WDR13: variants seen among roughly 807,000 people sequenced by gnomAD.
WDR13 encodes the protein WD repeat domain 13.
Under a neutral mutation model 28.6 loss-of-function variants are expected in WDR13, and 1 was observed. The observed-to-expected ratio is 0.03, with a 90% CI of 0.01 to 0.17. The LOEUF (loss-of-function observed/expected upper bound fraction) is 0.17. Among genes scored for constraint, WDR13 ranks in the 10% least tolerant of loss-of-function variants. The pLI, the probability that WDR13 is intolerant of heterozygous loss-of-function variation, is 1.00. For missense variants in WDR13, 264 were observed against 469.3 expected (o/e 0.56, Z 4.04); for synonymous variants, 201 against 185.9 (o/e 1.08, Z -0.66).
At chrX:48,599,298 A>C (rs1391360129) in intron 3 of WDR13, 55 bp from the exon 4 acceptor site, 4 of 990,626 alleles carry the variant, frequency 4.0e-6, no homozygotes, top group Non-Finnish European at 2.7e-6. Flanking sequence ...TCCACACCTC[A>C]AAGGTTCTCG....
At chrX:48,598,383 A>G (rs1280959798) in intron 2 of WDR13, 3 of 1,011,477 alleles carry the variant, frequency 3.0e-6, no homozygotes, top group Non-Finnish European at 3.7e-6. Flanking sequence ...TCACCTCCCA[A>G]CGCTGACCCC....
At position 48,600,712 on chromosome X, in the gene WDR13, A is replaced by G. The variant is rs782264401; in HGVS notation, c.831+86A>G. The G allele has an allele frequency of 1.4e-5, 15 of 1,067,744 alleles. No homozygotes were observed. In the South Asian group the frequency reaches 2.7e-4, roughly 19 times the overall value. The allele number at this position is 1,067,744 out of a possible 1,213,427, so 88.0% of individuals were successfully genotyped here. ...AGGGAATCAGAGTATAAGGAGGGAC[A>G]GCCAGGGGGGGCCTAGGACCCCCCC... On this transcript the variant is annotated intron_variant, in intron 6 of 9. Coordinates refer to ENST00000376729, the MANE Select transcript of WDR13 (RefSeq NM_001347217.2).
chrX:48,599,169 G>C, intron 3 of WDR13, 184 bp from the exon 4 acceptor site: 1 of 671,013 alleles, frequency 1.5e-6, no homozygotes, highest in East Asian at 3.6e-5. Context: ...TGCTGAGCAG[G>C]GGGAGGGCAG....
rs1556994042 is a variant in WDR13 at position 48,600,409 on chromosome X, C to G, written c.614C>G (p.Ala205Gly). The change falls in exon 6 of 10, where the codon GCC becomes GGC. Residue 205 changes from alanine (A) to glycine (G), a missense_variant. This residue lies in a region of WDR13 where 157 missense variants were observed against 270.2 expected (regional missense o/e 0.58). Transcript: ENST00000376729. ...GSISLCQLVP[A>G]PPTVLRVLRG... ...ATCTCCCTGTGCCAGCTGGTGCCTG[C>G]CCCACCCACAGTGCTTCGCGTGCTA... 8.3e-7 allele frequency: 1 copy of G among 1,211,909 alleles called. No individual in the cohort carries two copies. Among genetic ancestry groups the G allele is most frequent in the East Asian group, 3.0e-5 (1 of 33,872 alleles).
Position 48,607,419 on chromosome X carries a change from ATGCAGTGGCAT to A in WDR13, c.*2388_*2398del, listed in dbSNP as rs2062228147. The A allele has an allele frequency of 1.2e-5, 1 of 83,884 alleles. No homozygotes were observed. The highest frequency in any genetic ancestry group is 2.2e-5 in the Non-Finnish European group (1 of 44,942). The allele number at this position is 83,884 out of a possible 1,213,427, so 6.9% of individuals were successfully genotyped here. A position where few individuals can be genotyped will look rare whatever the true frequency, so the allele number is the denominator to read the frequency against. On this transcript the variant is annotated 3_prime_UTR_variant, in exon 10 of 10. Transcript: ENST00000376729. ...GTCTTGCTCTGACGCCCAGGCTGGA[ATGCAGTGGCAT>A]GATCTTGGCTCACTGCAGCCTCCAC... is the stretch of plus-strand genomic sequence containing the variant.
Position 48,598,928 on chromosome X carries a change from A to G in WDR13, c.253A>G (p.Ser85Gly), listed in dbSNP as rs2062163263. The change falls in exon 3 of 10, where the codon AGT becomes GGT. Residue 85 changes from serine to glycine, a missense_variant. By Grantham distance (56) the Ser-to-Gly change is moderately conservative. Around this residue, in one of 4 missense-constraint regions of WDR13, gnomAD observed 74 missense variants for 89.3 expected, o/e 0.83. Transcript: ENST00000376729. ...TGCCTATAGCAACAGCATCGTCCGC[A>G]GTAGCCGCACTACTCTTGACCGCAT... is the stretch of plus-strand genomic sequence containing the variant. The part of the protein sequence containing the change: ...ARAYSNSIVR[S>G]SRTTLDRMED... The G allele has an allele frequency of 8.3e-7, 1 of 1,207,910 alleles. No individual in the cohort carries two copies. Among genetic ancestry groups the G allele is most frequent in the East Asian group, 3.0e-5 (1 of 33,732 alleles).
Position 48,601,960 on chromosome X carries a change from C to T in WDR13, c.1008C>T (p.Ala336=), listed in dbSNP as rs1556994746. Residue 336 remains alanine, a synonymous_variant, in exon 7 of 10, where the codon GCC becomes GCT. Transcript: ENST00000376729. The part of the protein sequence containing the change: ...GSVFSFLFDM[A]TGKLTKAKRL... ...TCTTCTCTTTCCTCTTTGATATGGC[C>T]ACAGGTAGGCAGACAGCAGGCCTGC... is the stretch of plus-strand genomic sequence containing the variant. 5.0e-6 allele frequency: 6 copies of T among 1,190,258 alleles called. No individual in the cohort carries two copies.
chrX:48,603,520 C>T (rs1473081444), intron 8 of WDR13, among the ~76,000 whole-genome samples: 8 of 111,574 alleles, frequency 7.2e-5, no homozygotes, highest in East Asian at 5.7e-4. Flanking sequence ...TGGTGGCAGG[C>T]GCCTATAATC....
chrX:48,602,110 C>G lies in WDR13; in HGVS notation c.1058C>G (p.Pro353Arg). The G allele has an allele frequency of 8.3e-7, 1 of 1,211,841 alleles. No individual in the cohort carries two copies. The highest frequency in any genetic ancestry group is 1.1e-6 in the Non-Finnish European group (1 of 895,447). The part of the protein sequence containing the change: ...AKRLVVHEGS[P>R]VTSISARSWV... ...CGTTTGGTGGTGCATGAGGGGAGCC[C>G]TGTGACCAGCATCTCAGCCCGGTCC... Residue 353 changes from proline to arginine, a missense_variant, in exon 8 of 10, where the codon CCT becomes CGT. By Grantham distance (103) the Pro-to-Arg change is moderately radical. This residue lies in a region of WDR13 where 157 missense variants were observed against 270.2 expected (regional missense o/e 0.58). Transcript: ENST00000376729.
In WDR13 at chrX:48,608,228, G is replaced by A. The variant is rs1186544189; in HGVS notation, c.*3196G>A. The A allele has an allele frequency of 9.2e-6, 1 of 108,306 alleles. No individual in the cohort carries two copies. Among genetic ancestry groups the A allele is most frequent in the Non-Finnish European group, 1.9e-5 (1 of 52,469 alleles). The allele number at this position is 108,306 out of a possible 1,213,427, so 8.9% of individuals were successfully genotyped here. ...AGCCTCAACCTCCCAGGCTCAAGCGGTCCTGCTGCCTCATCCTCCAAAGTA... is the reference window on the plus strand; with the variant it reads ...AGCCTCAACCTCCCAGGCTCAAGCGATCCTGCTGCCTCATCCTCCAAAGTA... On this transcript the variant is annotated 3_prime_UTR_variant, in exon 10 of 10. Coordinates refer to ENST00000376729, the MANE Select transcript of WDR13 (RefSeq NM_001347217.2).
At position 48,602,049 on chromosome X, in the gene WDR13, C is replaced by T. The variant is rs1304970078; in HGVS notation, c.1013-16C>T. On this transcript the variant is annotated splice_polypyrimidine_tract_variant and intron_variant, in intron 7 of 9. Coordinates refer to ENST00000376729, the MANE Select transcript of WDR13 (RefSeq NM_001347217.2). The stretch of plus-strand genomic sequence containing the variant: ...CCTCACCCTCACCTTTGCCTTCCCT[C>T]CCTCTGCTGCTGCAGGGAAGCTGAC... The T allele has an allele frequency of 1.7e-6, 2 of 1,209,051 alleles. No homozygotes were observed. Among genetic ancestry groups the T allele is most frequent in the Admixed American group, 2.2e-5 (1 of 46,010 alleles).
intron 9 of WDR13, among the ~76,000 whole-genome samples, 195 bp downstream of exon 9, chrX:48,604,585 G>A (rs1442673466): frequency 3.6e-5 from 4 of 112,546 alleles, no homozygotes; most frequent in Non-Finnish European, 7.5e-5. Context: ...ACTTGATCTC[G>A]GCCAAAAGGC....
Position 48,597,608 on chromosome X carries a change from C to T in WDR13, c.-46C>T, listed in dbSNP as rs1190563362. On this transcript the variant is annotated 5_prime_UTR_variant, in exon 1 of 10. Coordinates refer to ENST00000376729, the MANE Select transcript of WDR13 (RefSeq NM_001347217.2). ...GGGGGCCTCAAGAACCGGAGGCAGCCCCGGAGGTGGTCCCCGATCCCGGGC... is the reference window on the plus strand; with the variant it reads ...GGGGGCCTCAAGAACCGGAGGCAGCTCCGGAGGTGGTCCCCGATCCCGGGC... The T allele has an allele frequency of 5.9e-6, 1 of 169,077 alleles. No homozygotes were observed. Among genetic ancestry groups the T allele is most frequent in the African/African-American group, 3.1e-5 (1 of 32,444 alleles). 13.9% of individuals were successfully genotyped at this position (169,077 alleles called of 1,213,427 possible).
At chrX:48,602,018 C>T in intron 7 of WDR13, 47 bp from the exon 8 acceptor site, 1 of 1,199,635 alleles carries the variant, frequency 8.3e-7, no homozygotes, top group South Asian at 1.8e-5. Context: ...CCTCCCAGGG[C>T]ACAGCCCTCA....
intron 5 of WDR13, chrX:48,599,944 G>T (rs1406001511): frequency 4.2e-5 from 20 of 473,389 alleles, no homozygotes; most frequent in Non-Finnish European, 6.9e-5. Flanking sequence ...AGGCTGCCTG[G>T]GTTCCTGAGT....
chrX:48,601,795 C>G lies in WDR13; in HGVS notation c.843C>G (p.Ala281=), dbSNP rs2062187968. ...CATTCTCCCCACAGGTGGGGAACGC[C>G]AAGCACAACGTGCATGTCATGAACA... ...VNNNLTVVGN[A]KHNVHVMNIS... Residue 281 remains alanine, a synonymous_variant, in exon 7 of 10, where the codon GCC becomes GCG. Coordinates refer to ENST00000376729, the MANE Select transcript of WDR13 (RefSeq NM_001347217.2). 1 of 1,169,300 alleles carries G rather than the reference C, an allele frequency of 8.6e-7. No individual in the cohort carries two copies. Among genetic ancestry groups the G allele is most frequent in the African/African-American group, 1.8e-5 (1 of 56,337 alleles).
chrX:48,602,851 T>G (rs1251667666), intron 8 of WDR13, among the ~76,000 whole-genome samples: 1 of 111,059 alleles, frequency 9.0e-6, no homozygotes, highest in Non-Finnish European at 1.9e-5. Flanking sequence ...ACTTAACAAT[T>G]TTTTAATTTA....
intron 6 of WDR13, chrX:48,600,834 G>T: frequency 2.2e-6 from 1 of 444,471 alleles, no homozygotes; most frequent in Non-Finnish European, 3.8e-6. Flanking sequence ...AGTGGCTCAC[G>T]CCTGTAATCC....
At chrX:48,604,237 G>C (rs782266893) in intron 8 of WDR13, 35 bp from the exon 9 acceptor site, 11 of 1,173,990 alleles carry the variant, frequency 9.4e-6, no homozygotes, top group Non-Finnish European at 1.3e-5. Context: ...GCTAGGGCTG[G>C]GGCTGTGTTT....
Sources: gnomAD v4.1 joint callset for allele counts (sites outside exome capture counted in the v4.1 genomes callset) on GRCh38, gnomAD v4.1.1 for gene constraint, gnomAD v4.1.1 regional missense constraint, MANE v1.5 for transcripts, NCBI Gene and HGNC (gene_info 2026-07-23, HGNC 2026-07-21) for gene names.